DYNC1I1: variants seen among roughly 807,000 people sequenced by gnomAD.
The protein encoded by DYNC1I1 is cytoplasmic dynein 1 intermediate chain 1.
Under a neutral mutation model 86.6 loss-of-function variants are expected in DYNC1I1, and 43 were observed. The observed-to-expected ratio is 0.50, with a 90% CI of 0.39 to 0.64. DYNC1I1 has a LOEUF of 0.64. Ranked by LOEUF, DYNC1I1 falls within the 30% of genes least tolerant of loss-of-function variation. DYNC1I1 has a pLI of 0.00. For missense variants in DYNC1I1, 604 were observed against 788.8 expected (o/e 0.77, Z 2.81); for synonymous variants, 262 against 283.7 (o/e 0.92, Z 0.77).
chr7:95,946,948 C>T (rs1792419097), intron 6 of DYNC1I1, among the ~76,000 whole-genome samples: 1 of 152,112 alleles, frequency 6.6e-6, no homozygotes, highest in Non-Finnish European at 1.5e-5. Flanking sequence ...AAAGGCCTCC[C>T]TGGTCTGCTG....
intron 6 of DYNC1I1, among the ~76,000 whole-genome samples, chr7:95,917,324 G>A (rs1791496663): frequency 6.6e-6 from 1 of 152,152 alleles, no homozygotes; most frequent in South Asian, 2.1e-4. Flanking sequence ...AGTGCTGAGA[G>A]GTGATCGGAG....
intron 5 of DYNC1I1, among the ~76,000 whole-genome samples, chr7:95,842,645 T>C (rs752506105): frequency 1.3e-5 from 2 of 152,070 alleles, no homozygotes; most frequent in East Asian, 1.9e-4. Context: ...CAAGGCTAGG[T>C]GAATGAAGGA....
chr7:95,836,157 G>A (rs956918292), intron 5 of DYNC1I1, among the ~76,000 whole-genome samples: 35 of 152,062 alleles, frequency 2.3e-4, no homozygotes, highest in African/African-American at 8.4e-4. Flanking sequence ...AGCTCTTTTA[G>A]GGCAGGCCTG....
intron 11 of DYNC1I1, among the ~76,000 whole-genome samples, chr7:96,031,505 C>T (rs182328651): frequency 2.6e-5 from 4 of 152,258 alleles, no homozygotes; most frequent in East Asian, 1.9e-4. Context: ...CAGGATACTA[C>T]GAAAACTGGC....
At chr7:96,091,501 G>A (rs1790846136) in intron 16 of DYNC1I1, among the ~76,000 whole-genome samples, 1 of 152,104 alleles carries the variant, frequency 6.6e-6, no homozygotes, top group Non-Finnish European at 1.5e-5. Context: ...CATACTTCAT[G>A]TATCTGAGAA....
At position 95,846,627 on chromosome 7, in the gene DYNC1I1, C is replaced by CTGTG. The variant is rs1236489557; in HGVS notation, c.374+18548_374+18551dup. On this transcript the variant is annotated intron_variant, in intron 5 of 16. Coordinates refer to ENST00000447467, the MANE Select transcript of DYNC1I1 (RefSeq NM_001135556.2). ...GAACATAAATGATAAATCTCTCTCT[C>CTGTG]TGTGTGTGTGTGTGTGTGTGTGTGT... 5.6e-4 allele frequency among the ~76,000 whole-genome samples: 77 copies of CTGTG among 136,596 alleles called. 1 individual carries two copies. Among genetic ancestry groups the CTGTG allele is most frequent in the African/African-American group, 1.7e-3 (64 of 36,906 alleles). The allele number at this position is 136,596 out of a possible 152,430, so 89.6% of individuals were successfully genotyped here.
At chr7:95,791,067 T>C (rs1794288863) in intron 1 of DYNC1I1, among the ~76,000 whole-genome samples, 1 of 152,248 alleles carries the variant, frequency 6.6e-6, no homozygotes, top group South Asian at 2.1e-4. Flanking sequence ...ATTGATTTTT[T>C]GTGAGCATGT....
chr7:95,804,389 C>G (rs767235802), intron 1 of DYNC1I1: 18 of 1,271,980 alleles, frequency 1.4e-5, no homozygotes, highest in Middle Eastern at 4.3e-4. Context: ...TTTTTTGATT[C>G]TCTTATTTAT....
At chr7:95,911,301 G>A (rs1359348549) in intron 6 of DYNC1I1, among the ~76,000 whole-genome samples, 2 of 151,680 alleles carry the variant, frequency 1.3e-5, no homozygotes, top group African/African-American at 2.4e-5. Flanking sequence ...TCATGATGGC[G>A]AGGAGAAGTC....
At chr7:96,063,642 G>C (rs772939930) in intron 14 of DYNC1I1, among the ~76,000 whole-genome samples, 2 of 151,924 alleles carry the variant, frequency 1.3e-5, no homozygotes, top group African/African-American at 2.4e-5. Flanking sequence ...CAGTCATACT[G>C]GATTACAGCC....
At chr7:96,103,580 A>G (rs1791168102) in intron 16 of DYNC1I1, among the ~76,000 whole-genome samples, 1 of 152,148 alleles carries the variant, frequency 6.6e-6, no homozygotes, top group South Asian at 2.1e-4. Context: ...AATAAAAGTC[A>G]AAATCCTTAT....
rs551322610 is a variant in DYNC1I1, at chr7:95,808,948, T to A, written c.109-1444T>A. Reference sequence around the variant, plus strand: ...TCTATCTTTGCCTCTGTTGTATACATAAACTTTGGGACTTGTTTCAGTAGT... The same window carrying A: ...TCTATCTTTGCCTCTGTTGTATACAAAAACTTTGGGACTTGTTTCAGTAGT... On this transcript the variant is annotated intron_variant, in intron 2 of 16. Transcript: ENST00000447467. 7.9e-5 allele frequency among the ~76,000 whole-genome samples: 12 copies of A among 152,284 alleles called. 1 individual carries two copies. In the South Asian group the frequency reaches 2.1e-3, roughly 26 times the overall value.
Position 96,061,712 on chromosome 7 carries a change from TCACA to T in DYNC1I1, c.1510-14325_1510-14322del, listed in dbSNP as rs147547424. ...CTCCCTCCCTCTCTCTCTCTCTCTC[TCACA>T]CACACACACACACACACACGCACAC... On this transcript the variant is annotated intron_variant, in intron 14 of 16. Transcript: ENST00000447467. Among the ~76,000 whole-genome samples the T allele has an allele frequency of 5.5e-3, 759 of 136,908 alleles. 7 individuals are homozygous for T. The highest frequency in any genetic ancestry group is 0.015 in the African/African-American group (551 of 35,948). 89.8% of individuals were successfully genotyped at this position (136,908 alleles called of 152,430 possible). A position where few individuals can be genotyped will look rare whatever the true frequency, so the allele number is the denominator to read the frequency against.
At chr7:95,850,610 C>T (rs538988974) in intron 5 of DYNC1I1, among the ~76,000 whole-genome samples, 1 of 152,322 alleles carries the variant, frequency 6.6e-6, no homozygotes, top group South Asian at 2.1e-4. Context: ...CTGCCACACA[C>T]ACAAATGTAA....
At chr7:96,015,708 A>C (rs1451734840) in intron 10 of DYNC1I1, among the ~76,000 whole-genome samples, 1 of 152,108 alleles carries the variant, frequency 6.6e-6, no homozygotes, top group African/African-American at 2.4e-5. Context: ...CCACAAGGAC[A>C]CATTTCTGGT....
intron 9 of DYNC1I1, 126 bp from the exon 10 acceptor site, chr7:95,995,822 G>A: frequency 7.5e-7 from 1 of 1,332,928 alleles, no homozygotes; most frequent in Non-Finnish European, 1.0e-6. Context: ...CTGATAGTAG[G>A]TATGCCACAA....
intron 6 of DYNC1I1, among the ~76,000 whole-genome samples, chr7:95,915,621 G>A (rs1174588127): frequency 3.3e-5 from 5 of 152,112 alleles, no homozygotes; most frequent in African/African-American, 7.2e-5. Context: ...TGTATTTAAT[G>A]TGTTTTTTTC....
chr7:95,895,988 C>T (rs1790873235), intron 6 of DYNC1I1, among the ~76,000 whole-genome samples: 1 of 152,128 alleles, frequency 6.6e-6, no homozygotes, highest in African/African-American at 2.4e-5. Flanking sequence ...CTTTCCCCTC[C>T]TAGGGCAGTT....
At chr7:96,023,980 A>T (rs184366448) in intron 10 of DYNC1I1, among the ~76,000 whole-genome samples, 7 of 152,232 alleles carry the variant, frequency 4.6e-5, no homozygotes, top group Admixed American at 2.0e-4. Context: ...CCTCTTAGAA[A>T]TTGTGGTTCC....
Sources: allele counts gnomAD v4.1 joint callset (sites outside exome capture counted in the v4.1 genomes callset), GRCh38; gene constraint gnomAD v4.1.1; transcripts MANE v1.5; gene names NCBI Gene and HGNC (gene_info 2026-07-23, HGNC 2026-07-21).